NTF3: variants seen among roughly 807,000 people sequenced by gnomAD.
The protein encoded by NTF3 is neurotrophin 3, also known as neurotrophin-3.
A neutral mutation model predicts 26.3 loss-of-function variants in NTF3; 8 were observed. That is an observed-to-expected ratio of 0.30 (90% CI 0.18 to 0.55). The LOEUF (loss-of-function observed/expected upper bound fraction) is 0.55. Ranked by LOEUF, NTF3 falls within the 20% of genes least tolerant of loss-of-function variation. The pLI is 0.93. For missense variants in NTF3, 276 were observed against 352.9 expected, an observed-to-expected ratio of 0.78 and a Z score of 1.75; for synonymous variants, 154 against 145.5, an observed-to-expected ratio of 1.06 and a Z score of -0.42.
chr12:5,445,269 T>C lies in NTF3; in HGVS notation c.18+12927T>C, dbSNP rs902765541. ...TCTGGACGTCAGATCCACCCATAGATGATTCCTTGGATTAAATGATGTGTG... is the reference window on the plus strand; with the variant it reads ...TCTGGACGTCAGATCCACCCATAGACGATTCCTTGGATTAAATGATGTGTG... On this transcript the variant is annotated intron_variant, in intron 1 of 1. Coordinates refer to ENST00000423158, the MANE Select transcript of NTF3 (RefSeq NM_001102654.2). 3.4e-4 allele frequency among the ~76,000 whole-genome samples: 14 copies of C among 40,598 alleles called. 1 individual carries two copies. In the East Asian group the frequency reaches 0.026, roughly 75 times the overall value. The allele number at this position is 40,598 out of a possible 152,430, so 26.6% of individuals were successfully genotyped here. A position where few individuals can be genotyped will look rare whatever the true frequency, so the allele number is the denominator to read the frequency against.
intron 1 of NTF3, 199 bp from the exon 2 acceptor site, chr12:5,493,995 G>A (rs1359876126): frequency 1.7e-6 from 1 of 598,586 alleles, no homozygotes; most frequent in South Asian, 2.1e-5. Flanking sequence ...CAGACCTGGA[G>A]TGCATTCGCA....
Position 5,495,264 on chromosome 12 carries a change from G to T in NTF3, c.*276G>T. The T allele has an allele frequency of 2.5e-6, 1 of 394,586 alleles. No homozygotes were observed. The highest frequency in any genetic ancestry group is 4.8e-6 in the Non-Finnish European group (1 of 210,290). The allele number at this position is 394,586 out of a possible 1,614,324, so 24.4% of individuals were successfully genotyped here. A position where few individuals can be genotyped will look rare whatever the true frequency, so the allele number is the denominator to read the frequency against. On this transcript the variant is annotated 3_prime_UTR_variant, in exon 2 of 2. Transcript: ENST00000423158. Reference sequence around the variant, plus strand: ...GTATTTTGCATTCAGTATTGTCAAGGCCATGACTGTTGTTTTAGTAAACTT... The same window carrying T: ...GTATTTTGCATTCAGTATTGTCAAGTCCATGACTGTTGTTTTAGTAAACTT...
chr12:5,470,766 C>T (rs1937741821), intron 1 of NTF3, among the ~76,000 whole-genome samples: 1 of 152,248 alleles, frequency 6.6e-6, no homozygotes, highest in Admixed American at 6.5e-5. Context: ...GACCAGAAGA[C>T]AGAGCATTCC....
At chr12:5,474,836 G>T (rs1364192193) in intron 1 of NTF3, among the ~76,000 whole-genome samples, 1 of 152,172 alleles carries the variant, frequency 6.6e-6, no homozygotes, top group African/African-American at 2.4e-5. Flanking sequence ...AATTATTAAA[G>T]ATCAGTTCAA....
At chr12:5,451,978 C>T (rs535380628) in intron 1 of NTF3, among the ~76,000 whole-genome samples, 10 of 152,260 alleles carry the variant, frequency 6.6e-5, no homozygotes, top group African/African-American at 2.4e-4. Context: ...CAGGCGTGAG[C>T]GACCATGCCC....
At chr12:5,485,607 C>T (rs777119964) in intron 1 of NTF3, among the ~76,000 whole-genome samples, 1 of 152,134 alleles carries the variant, frequency 6.6e-6, no homozygotes, top group Non-Finnish European at 1.5e-5. Flanking sequence ...TTATTACAAG[C>T]GATTATTATG....
chr12:5,432,420 C>T, intron 1 of NTF3, 78 bp downstream of exon 1: 2 of 1,534,414 alleles, frequency 1.3e-6, no homozygotes, highest in Non-Finnish European at 1.8e-6. Context: ...TTCCAGTGGA[C>T]TGGTGCGGGG....
chr12:5,444,522 G>A (rs975671566), intron 1 of NTF3, among the ~76,000 whole-genome samples: 1 of 152,202 alleles, frequency 6.6e-6, no homozygotes, highest in Admixed American at 6.5e-5. Flanking sequence ...TACAGGTAGA[G>A]AAGTTCCGTG....
At chr12:5,482,888 G>T (rs1221939621) in intron 1 of NTF3, among the ~76,000 whole-genome samples, 1 of 144,478 alleles carries the variant, frequency 6.9e-6, no homozygotes, top group African/African-American at 2.6e-5. Flanking sequence ...CTCTGTGTGT[G>T]TTTTTTTTTC....
At chr12:5,475,476 C>G (rs1054070894) in intron 1 of NTF3, among the ~76,000 whole-genome samples, 3 of 152,044 alleles carry the variant, frequency 2.0e-5, no homozygotes, top group African/African-American at 7.2e-5. Flanking sequence ...TTTCATTTCT[C>G]TAATACTGGC....
rs759738083 is a variant in NTF3, at chr12:5,456,418, C to T, written c.18+24076C>T. On this transcript the variant is annotated intron_variant, in intron 1 of 1. Coordinates refer to ENST00000423158, the MANE Select transcript of NTF3 (RefSeq NM_001102654.2). This position sits in a 1 kb window ranked among gnomAD's most constrained non-coding sequence, Gnocchi z 4.4. ...CCAGAAATCAGTGGGACCCTGGGAG[C>T]TGTGTACCCCTCAGACCCAGTTGGA... Among the ~76,000 whole-genome samples, 4 of 152,160 alleles carry T rather than the reference C, an allele frequency of 2.6e-5. No individual in the cohort carries two copies. Among genetic ancestry groups the T allele is most frequent in the Non-Finnish European group, 5.9e-5 (4 of 68,034 alleles).
chr12:5,486,944 C>T (rs1940873615), intron 1 of NTF3, among the ~76,000 whole-genome samples: 1 of 151,400 alleles, frequency 6.6e-6, no homozygotes, highest in South Asian at 2.1e-4. Flanking sequence ...CATGCATGCA[C>T]ACATGTATGC....
chr12:5,436,670 G>T (rs1003227257), intron 1 of NTF3, among the ~76,000 whole-genome samples: 2 of 152,154 alleles, frequency 1.3e-5, no homozygotes, highest in African/African-American at 2.4e-5. Flanking sequence ...AATAGGATCT[G>T]GACCCCTTTC....
intron 1 of NTF3, among the ~76,000 whole-genome samples, chr12:5,485,367 G>A (rs1196988587): frequency 1.3e-5 from 2 of 152,216 alleles, no homozygotes; most frequent in Non-Finnish European, 2.9e-5. Flanking sequence ...ATATTCCGCA[G>A]TATTAGCTAA....
At chr12:5,493,463 G>A (rs771631495) in intron 1 of NTF3, among the ~76,000 whole-genome samples, 1 of 152,236 alleles carries the variant, frequency 6.6e-6, no homozygotes, top group Non-Finnish European at 1.5e-5. Context: ...TCTTCTGCAA[G>A]TAGTGCTGTG....
intron 1 of NTF3, among the ~76,000 whole-genome samples, chr12:5,448,251 C>CT (rs1329012956): frequency 6.6e-6 from 1 of 152,174 alleles, no homozygotes; most frequent in Non-Finnish European, 1.5e-5. Context: ...AGACATGGTG[C>CT]TTTATGTCTT....
At chr12:5,487,505 C>G (rs1184631823) in intron 1 of NTF3, among the ~76,000 whole-genome samples, 1 of 152,236 alleles carries the variant, frequency 6.6e-6, no homozygotes, top group Non-Finnish European at 1.5e-5. Flanking sequence ...GCAAGTCAGT[C>G]TTCTGAGGTT....
intron 1 of NTF3, among the ~76,000 whole-genome samples, chr12:5,469,435 G>A (rs1001893204): frequency 6.6e-6 from 1 of 152,112 alleles, no homozygotes; most frequent in African/African-American, 2.4e-5. Flanking sequence ...CCATGAGAAA[G>A]ACAGAACTGC....
chr12:5,468,393 A>G (rs17784635), intron 1 of NTF3, among the ~76,000 whole-genome samples: 27,921 of 152,004 alleles, frequency 0.18, 2,872 homozygotes, highest in Middle Eastern at 0.26. Context: ...AAGAACAGCT[A>G]TCTAATTCTG....
Sources: allele counts gnomAD v4.1 joint callset (sites outside exome capture counted in the v4.1 genomes callset), GRCh38; gene constraint gnomAD v4.1.1; non-coding constraint Gnocchi (gnomAD v3.1); transcripts MANE v1.5; gene names NCBI Gene and HGNC (gene_info 2026-07-23, HGNC 2026-07-21).